Variants in TRAF3IP1 observed in about 807,000 individuals in gnomAD.
The protein encoded by TRAF3IP1 is intraflagellar transport 54.
Under a neutral mutation model 89.9 loss-of-function variants are expected in TRAF3IP1, and 53 were observed. The ratio of observed to expected loss-of-function variants is 0.59; its 90% confidence interval spans 0.47 to 0.74. The LOEUF is 0.74. TRAF3IP1 is among the 30% of genes least tolerant of loss of function. The pLI is 0.00. For synonymous variants in TRAF3IP1, 311 were observed against 322.1 expected, an observed-to-expected ratio of 0.97 and a Z score of 0.37; for missense variants, 806 against 866.1, an observed-to-expected ratio of 0.93 and a Z score of 0.87.
At chr2:238,372,097 G>A (rs1347218127) in intron 15 of TRAF3IP1, among the ~76,000 whole-genome samples, 1 of 152,110 alleles carries the variant, frequency 6.6e-6, no homozygotes, top group African/African-American at 2.4e-5. Flanking sequence ...TCACATTAAA[G>A]TAACATTCAT....
intron 7 of TRAF3IP1, 43 bp downstream of exon 7, chr2:238,334,078 G>GTTTTTTT (rs5839695): frequency 2.1e-5 from 23 of 1,089,698 alleles, no homozygotes; most frequent in South Asian, 1.6e-5. Context: ...ATGGATATTA[G>GTTTTTTT]TTTTTTTTTT....
intron 10 of TRAF3IP1, 130 bp downstream of exon 10, chr2:238,347,605 C>T: frequency 2.4e-6 from 2 of 843,164 alleles, no homozygotes; most frequent in South Asian, 1.6e-5. Context: ...GGAAAAAGAT[C>T]ATAACTACCC....
In TRAF3IP1 at chr2:238,328,721, T is replaced by C. The variant is rs1230675856; in HGVS notation, c.390T>C (p.Ala130=). 1 of 1,613,912 alleles carries C rather than the reference T, an allele frequency of 6.2e-7. No homozygotes were observed. Residue 130 remains alanine (A), a synonymous_variant, in exon 4 of 17, where the codon GCT becomes GCC. Transcript: ENST00000373327. ...ACGATGCGGTGCGGAGGGTTTTAGC[T>C]GGAGAGAAGGGAGAAGTGAAAGGCC... is the stretch of plus-strand genomic sequence containing the variant. ...SSDDAVRRVL[A]GEKGEVKGRA...
intron 3 of TRAF3IP1, among the ~76,000 whole-genome samples, chr2:238,328,066 C>G (rs1359003993): frequency 6.6e-6 from 1 of 152,190 alleles, no homozygotes; most frequent in Non-Finnish European, 1.5e-5. Flanking sequence ...AATATCTCTT[C>G]AAGACCCCGT....
chr2:238,349,229 G>C, intron 11 of TRAF3IP1, 96 bp from the exon 12 acceptor site: 2 of 1,159,606 alleles, frequency 1.7e-6, no homozygotes, highest in Non-Finnish European at 2.5e-6. Flanking sequence ...TTATGGCTTG[G>C]AGATGAGAGT....
intron 15 of TRAF3IP1, among the ~76,000 whole-genome samples, chr2:238,360,192 G>A (rs914416767): frequency 6.6e-6 from 1 of 152,150 alleles, no homozygotes; most frequent in South Asian, 2.1e-4. Flanking sequence ...GTTTATTTCT[G>A]GAATTTTCCA....
chr2:238,321,492 C>A (rs1697543027), intron 1 of TRAF3IP1, among the ~76,000 whole-genome samples: 1 of 152,190 alleles, frequency 6.6e-6, no homozygotes, highest in Non-Finnish European at 1.5e-5. Context: ...TGTAACAGAG[C>A]TGCACAGCCT....
intron 15 of TRAF3IP1, among the ~76,000 whole-genome samples, chr2:238,388,134 G>C (rs1318470271): frequency 6.6e-6 from 1 of 151,922 alleles, no homozygotes; most frequent in African/African-American, 2.4e-5. Context: ...AACACTTTGT[G>C]GGGGCCAAGG....
intron 11 of TRAF3IP1, 38 bp from the exon 12 acceptor site, chr2:238,349,287 T>C: frequency 6.3e-7 from 1 of 1,597,380 alleles, no homozygotes; most frequent in Non-Finnish European, 8.6e-7. Flanking sequence ...TATAAGCCTT[T>C]CATACTCCTT....
intron 7 of TRAF3IP1, among the ~76,000 whole-genome samples, chr2:238,336,462 C>T (rs1175177390): frequency 6.6e-6 from 1 of 152,136 alleles, no homozygotes; most frequent in Non-Finnish European, 1.5e-5. Context: ...GTGTGACACA[C>T]TGGACCTCTG....
At chr2:238,337,748 G>A (rs901265182) in intron 7 of TRAF3IP1, among the ~76,000 whole-genome samples, 1 of 152,138 alleles carries the variant, frequency 6.6e-6, no homozygotes, top group Non-Finnish European at 1.5e-5. Flanking sequence ...CTCCTAGGGG[G>A]TGGCCTTTAT....
chr2:238,394,048 T>C (rs1701107655), intron 15 of TRAF3IP1, among the ~76,000 whole-genome samples: 1 of 151,988 alleles, frequency 6.6e-6, no homozygotes, highest in Non-Finnish European at 1.5e-5. Context: ...AAACAAAAAT[T>C]AGCTGGGCAT....
intron 15 of TRAF3IP1, among the ~76,000 whole-genome samples, chr2:238,375,309 C>A (rs1048028856): frequency 6.6e-6 from 1 of 152,188 alleles, no homozygotes; most frequent in Middle Eastern, 3.2e-3. Context: ...AAATGTGTCC[C>A]AGAGATTCCG....
intron 15 of TRAF3IP1, among the ~76,000 whole-genome samples, chr2:238,359,790 C>T (rs986714522): frequency 1.3e-5 from 2 of 152,132 alleles, no homozygotes; most frequent in Non-Finnish European, 2.9e-5. Context: ...CTAGCGGATG[C>T]CTGAGACTGT....
intron 8 of TRAF3IP1, among the ~76,000 whole-genome samples, chr2:238,341,622 T>G (rs1269099780): frequency 2.0e-5 from 3 of 151,858 alleles, no homozygotes; most frequent in African/African-American, 7.3e-5. Flanking sequence ...GGCCGAATGA[T>G]GGACCTCTTT....
At chr2:238,376,212 C>T (rs571750166) in intron 15 of TRAF3IP1, among the ~76,000 whole-genome samples, 84 of 152,264 alleles carry the variant, frequency 5.5e-4, no homozygotes, top group African/African-American at 2.0e-3. Flanking sequence ...GACACTGAAA[C>T]GTGAATTTTG....
chr2:238,364,042 TATC>T (rs764254905), intron 15 of TRAF3IP1, among the ~76,000 whole-genome samples: 6 of 152,230 alleles, frequency 3.9e-5, no homozygotes, highest in Non-Finnish European at 7.3e-5. Flanking sequence ...TTATACATGT[TATC>T]ATAATAATTG....
chr2:238,372,426 C>T (rs569690669), intron 15 of TRAF3IP1, among the ~76,000 whole-genome samples: 26 of 152,258 alleles, frequency 1.7e-4, no homozygotes, highest in African/African-American at 5.8e-4. Context: ...TGATGGTTTC[C>T]AGCTTCATCC....
At chr2:238,343,116 C>G (rs1173360713) in intron 8 of TRAF3IP1, among the ~76,000 whole-genome samples, 1 of 150,296 alleles carries the variant, frequency 6.7e-6, no homozygotes. Flanking sequence ...GAGACAGAGT[C>G]TGGCTCTGTC....
Sources: gnomAD v4.1 joint callset for allele counts (sites outside exome capture counted in the v4.1 genomes callset) on GRCh38, gnomAD v4.1.1 for gene constraint, MANE v1.5 for transcripts, NCBI Gene and HGNC (gene_info 2026-07-23, HGNC 2026-07-21) for gene names.